The following LMAN2 variants were observed in gnomAD, a reference collection of about 807,000 sequenced individuals.
LMAN2 encodes vesicular integral-membrane protein VIP36.
Under a neutral mutation model 39.3 loss-of-function variants are expected in LMAN2, and 22 were observed. That is an observed-to-expected ratio of 0.56 (90% CI 0.40 to 0.80). The LOEUF (loss-of-function observed/expected upper bound fraction) is 0.80, where lower values mean the gene tolerates loss of function less well. Ranked by LOEUF, LMAN2 falls within the 30% of genes least tolerant of loss-of-function variation. The pLI, the probability that LMAN2 is intolerant of heterozygous loss-of-function variation, is 0.00. For synonymous variants in LMAN2, 207 were observed against 207.8 expected (o/e 1.00, Z 0.03); for missense variants, 494 against 505.4 (o/e 0.98, Z 0.22).
Position 177,338,557 on chromosome 5 carries a change from C to T in LMAN2, c.364G>A (p.Gly122Ser), listed in dbSNP as rs567458399. 6.2e-6 allele frequency: 10 copies of T among 1,614,202 alleles called. No individual in the cohort carries two copies. In the African/African-American group the frequency reaches 8.0e-5, roughly 13 times the overall value. ...WEMHVHFKVHGTGKKNLHGDG... is the reference protein window; with the variant it reads ...WEMHVHFKVHSTGKKNLHGDG... ...CCATGGAGGTTCTTCTTCCCTGTGC[C>T]GTGGACTTTGAAGTGGACGTGCATT... The change falls in exon 3 of 8, where the codon GGC becomes AGC. Residue 122 changes from glycine to serine, a missense_variant. Transcript: ENST00000303127.
Position 177,337,968 on chromosome 5 carries a change from G to A in LMAN2, c.434-183C>T, listed in dbSNP as rs895057150. Among the ~76,000 whole-genome samples, 7 of 151,902 alleles carry A rather than the reference G, an allele frequency of 4.6e-5. No homozygotes were observed. Among genetic ancestry groups the A allele is most frequent in the African/African-American group, 7.3e-5 (3 of 41,344 alleles). Reference sequence around the variant, plus strand: ...TTTCTCCTCAGAAGTGGGGGGTCTAGGCATATGACACAGAGGACTCAAGTT... The same window carrying A: ...TTTCTCCTCAGAAGTGGGGGGTCTAAGCATATGACACAGAGGACTCAAGTT... On this transcript the variant is annotated intron_variant, in intron 3 of 7. Coordinates refer to ENST00000303127, the MANE Select transcript of LMAN2 (RefSeq NM_006816.3). The surrounding 1 kb of genome is among the most constrained non-coding windows in gnomAD (Gnocchi z 8.2).
intron 3 of LMAN2, among the ~76,000 whole-genome samples, chr5:177,338,218 T>C (rs1166616539): frequency 3.9e-5 from 6 of 152,166 alleles, no homozygotes; most frequent in Non-Finnish European, 8.8e-5. Flanking sequence ...TTTACAACAA[T>C]AACTGTTTAA....
rs371097226 is a variant in LMAN2 at position 177,334,228 on chromosome 5, C to T, written c.910+56G>A. On this transcript the variant is annotated intron_variant, in intron 7 of 7. Transcript: ENST00000303127. ...CACAAGACCCGCCAGGCTGGCTTCA[C>T]CCCATTCTGGGTCAGGCCGCCCAGG... The T allele has an allele frequency of 6.4e-6, 10 of 1,561,606 alleles. No homozygotes were observed. The African/African-American group carries it at 1.1e-4, about 17-fold the overall frequency.
chr5:177,348,618 G>A (rs1162139554), intron 2 of LMAN2, among the ~76,000 whole-genome samples: 1 of 150,710 alleles, frequency 6.6e-6, no homozygotes, highest in East Asian at 1.9e-4. Flanking sequence ...AACTCGTGAG[G>A]TGGAGGTTGC....
At chr5:177,344,272 G>C (rs1280919959) in intron 2 of LMAN2, among the ~76,000 whole-genome samples, 1 of 140,204 alleles carries the variant, frequency 7.1e-6, no homozygotes, top group Non-Finnish European at 1.5e-5. Context: ...AAAATGGTAC[G>C]CTTTGTTACT....
At position 177,337,385 on chromosome 5, in the gene LMAN2, C is replaced by A. The variant is rs373179939; in HGVS notation, c.653G>T (p.Arg218Leu). The A allele has an allele frequency of 6.2e-7, 1 of 1,611,728 alleles. No individual in the cohort carries two copies. The highest frequency in any genetic ancestry group is 8.5e-7 in the Non-Finnish European group (1 of 1,179,934). ...NRDHDTFLAV[R>L]YSRGRLTVMT... ...CACCGTCAGACGGCCCCGGGAGTAG[C>A]GCACAGCCAGGAAGGTGTCGTGATC... Residue 218 changes from arginine to leucine, a missense_variant, in exon 5 of 8, where the codon CGC (arginine) becomes CTC (leucine). Coordinates refer to ENST00000303127, the MANE Select transcript of LMAN2 (RefSeq NM_006816.3). The surrounding 1 kb of genome is among the most constrained non-coding windows in gnomAD (Gnocchi z 8.2).
At chr5:177,351,066 A>T (rs1383037167) in intron 2 of LMAN2, 107 bp downstream of exon 2, 1 of 929,256 alleles carries the variant, frequency 1.1e-6, no homozygotes, top group Non-Finnish European at 1.8e-6. Context: ...GGAAAAGGCC[A>T]GGGACGGAGG....
intron 7 of LMAN2, 40 bp downstream of exon 7, chr5:177,334,244 G>C: frequency 6.3e-7 from 1 of 1,581,088 alleles, no homozygotes; most frequent in Non-Finnish European, 8.6e-7. Flanking sequence ...TCTGGGTCAG[G>C]CCGCCCAGGC....
chr5:177,349,218 C>A (rs556520321), intron 2 of LMAN2, among the ~76,000 whole-genome samples: 1 of 152,182 alleles, frequency 6.6e-6, no homozygotes, highest in African/African-American at 2.4e-5. Context: ...GACCACCCCC[C>A]CTGCACCACA....
chr5:177,334,591 G>C (rs1051505338), intron 6 of LMAN2, 188 bp from the exon 7 acceptor site: 38 of 641,990 alleles, frequency 5.9e-5, no homozygotes, highest in African/African-American at 5.9e-4. Context: ...ATAAAAAAGA[G>C]AGGAGGCAGA....
chr5:177,342,632 G>A (rs899636593), intron 2 of LMAN2, among the ~76,000 whole-genome samples: 2 of 152,150 alleles, frequency 1.3e-5, no homozygotes, highest in African/African-American at 2.4e-5. Context: ...GCTGCAGTGA[G>A]CCGTGTTCAC....
intron 2 of LMAN2, among the ~76,000 whole-genome samples, chr5:177,349,992 A>T (rs1315261822): frequency 2.0e-5 from 3 of 152,236 alleles, no homozygotes; most frequent in African/African-American, 7.2e-5. Flanking sequence ...CTGGAACAAA[A>T]TTAACACAGA....
rs955438910 is a variant in LMAN2, at chr5:177,332,159, C to G, written c.998G>C (p.Gly333Ala). The stretch of plus-strand genomic sequence containing the variant: ...CCCCACCACGGCGCAGACAACGATG[C>G]CCAGGAGAGCGCACAGCAGCAGCAG... Reference protein sequence around the residue: ...VFLLLLCALLGIVVCAVVGAV... With the variant: ...VFLLLLCALLAIVVCAVVGAV... Residue 333 changes from glycine to alanine, a missense_variant, in exon 8 of 8, where the codon GGC becomes GCC. Transcript: ENST00000303127. This position sits in a 1 kb window ranked among gnomAD's most constrained non-coding sequence, Gnocchi z 6.3. 15 of 1,613,600 alleles carry G rather than the reference C, an allele frequency of 9.3e-6. No individual in the cohort carries two copies. Among genetic ancestry groups the G allele is most frequent in the African/African-American group, 1.3e-5 (1 of 74,930 alleles).
In LMAN2 at chr5:177,331,933, C is replaced by A; in HGVS notation, c.*153G>T. 1.1e-6 allele frequency: 1 copy of A among 951,552 alleles called. No individual in the cohort carries two copies. Among genetic ancestry groups the A allele is most frequent in the Non-Finnish European group, 1.5e-6 (1 of 667,324 alleles). The allele number at this position is 951,552 out of a possible 1,614,324, so 58.9% of individuals were successfully genotyped here. On this transcript the variant is annotated 3_prime_UTR_variant, in exon 8 of 8. Transcript: ENST00000303127. ...GCCTCGGCTCTGCCACCTGTCCCTG[C>A]TGGGCAAGAAGCAAAATGTATGAAA...
chr5:177,340,630 C>T (rs1036440136), intron 2 of LMAN2, among the ~76,000 whole-genome samples: 38 of 152,038 alleles, frequency 2.5e-4, no homozygotes, highest in Non-Finnish European at 8.8e-5. Context: ...ATTAGCCAGG[C>T]GTGGTGGTAC....
chr5:177,343,817 G>A (rs1356129492), intron 2 of LMAN2, among the ~76,000 whole-genome samples: 1 of 152,222 alleles, frequency 6.6e-6, no homozygotes, highest in African/African-American at 2.4e-5. Context: ...TGGGTAGAGA[G>A]TTTCAGTTGG....
In LMAN2 at chr5:177,332,062, G is replaced by A. The variant is rs1761392913; in HGVS notation, c.*24C>T. 1 of 1,584,544 alleles carries A rather than the reference G, an allele frequency of 6.3e-7. No individual in the cohort carries two copies. Among genetic ancestry groups the A allele is most frequent in the African/African-American group, 1.4e-5 (1 of 74,044 alleles). ...GTTCACATTGGCTCCTGGGCCCAGG[G>A]ACAGGCCCCGCCGGAGGCGCCACTC... On this transcript the variant is annotated 3_prime_UTR_variant, in exon 8 of 8. Coordinates refer to ENST00000303127, the MANE Select transcript of LMAN2 (RefSeq NM_006816.3). The surrounding 1 kb of genome is among the most constrained non-coding windows in gnomAD (Gnocchi z 6.3).
rs754768320 is a variant in LMAN2 at position 177,337,680 on chromosome 5, C to T, written c.513+26G>A. The stretch of plus-strand genomic sequence containing the variant: ...CGACTGCCCAGTCCTTCCTTTCCTG[C>T]TCAGCAGGATAGAGCAGGGGCCTAC... On this transcript the variant is annotated intron_variant, in intron 4 of 7. Coordinates refer to ENST00000303127, the MANE Select transcript of LMAN2 (RefSeq NM_006816.3). This position sits in a 1 kb window ranked among gnomAD's most constrained non-coding sequence, Gnocchi z 8.2. The T allele has an allele frequency of 1.2e-6, 2 of 1,612,822 alleles. No individual in the cohort carries two copies. The highest frequency in any genetic ancestry group is 1.1e-5 in the South Asian group (1 of 90,936).
In LMAN2 at chr5:177,343,300, T is replaced by C. The variant is rs575099498; in HGVS notation, c.316-4695A>G. ...AAATGTTGGCAAGGATGTGGAGAAATTGGAATCCTTGTGCATTGCTGGTGG... is the reference window on the plus strand; with the variant it reads ...AAATGTTGGCAAGGATGTGGAGAAACTGGAATCCTTGTGCATTGCTGGTGG... On this transcript the variant is annotated intron_variant, in intron 2 of 7. Transcript: ENST00000303127. Among the ~76,000 whole-genome samples, 6 of 152,054 alleles carry C rather than the reference T, an allele frequency of 3.9e-5. No individual in the cohort carries two copies. The South Asian group carries it at 6.2e-4, about 16-fold the overall frequency.
Sources: gnomAD v4.1 joint callset for allele counts (sites outside exome capture counted in the v4.1 genomes callset) on GRCh38, gnomAD v4.1.1 for gene constraint, Gnocchi (gnomAD v3.1) non-coding constraint, MANE v1.5 for transcripts, NCBI Gene and HGNC (gene_info 2026-07-23, HGNC 2026-07-21) for gene names.